Variants in NIF3L1 observed in about 807,000 individuals in gnomAD.
NIF3L1 encodes NGG1 interacting factor 3 like 1, also known as NIF3-like protein 1.
NIF3L1 carries 26 observed loss-of-function variants against 35.0 expected under a neutral mutation model. That is an observed-to-expected ratio of 0.74 (90% CI 0.54 to 1.03). The LOEUF (loss-of-function observed/expected upper bound fraction) is 1.03, where lower values mean the gene tolerates loss of function less well. Among genes scored for constraint, NIF3L1 ranks in the 50% least tolerant of loss-of-function variants. The pLI, the probability that NIF3L1 is intolerant of heterozygous loss-of-function variation, is 0.00. For synonymous variants in NIF3L1, 157 were observed against 178.9 expected (o/e 0.88, Z 0.98); for missense variants, 449 against 466.3 (o/e 0.96, Z 0.34).
chr2:200,893,092 G>A (rs1289456296), intron 2 of NIF3L1, among the ~76,000 whole-genome samples, 154 bp from the exon 3 acceptor site: 1 of 152,200 alleles, frequency 6.6e-6, no homozygotes, highest in African/African-American at 2.4e-5. Context: ...GGGGACTGGT[G>A]ATGTATATCT....
intron 6 of NIF3L1, 148 bp downstream of exon 6, chr2:200,899,616 C>A (rs2040379464): frequency 3.4e-6 from 2 of 590,478 alleles, no homozygotes; most frequent in South Asian, 4.5e-5. Context: ...TGGGGACTTA[C>A]TGCATTCTTT....
At chr2:200,902,287 G>A (rs894294632) in intron 6 of NIF3L1, among the ~76,000 whole-genome samples, 1 of 152,184 alleles carries the variant, frequency 6.6e-6, no homozygotes, top group Non-Finnish European at 1.5e-5. Context: ...AGAATATTAG[G>A]CTGGACATGG....
intron 4 of NIF3L1, among the ~76,000 whole-genome samples, chr2:200,896,596 T>G (rs1294170246): frequency 6.6e-6 from 1 of 152,152 alleles, no homozygotes; most frequent in Non-Finnish European, 1.5e-5. Flanking sequence ...ATTATTTTGT[T>G]TATTTGAGAC....
rs777968839 is a variant in NIF3L1 at position 200,892,075 on chromosome 2, G to A, written c.132G>A (p.Ser44=). 13 of 1,613,976 alleles carry A rather than the reference G, an allele frequency of 8.1e-6. No homozygotes were observed. The highest frequency in any genetic ancestry group is 4.5e-5 in the East Asian group (2 of 44,898). Residue 44 remains serine (S), a synonymous_variant, in exon 2 of 7, where the codon TCG becomes TCA. Coordinates refer to ENST00000409020, the MANE Select transcript of NIF3L1 (RefSeq NM_001369441.2). ...LSSLNDFASL[S]FAESWDNVGL... ...CCTTGAATGACTTTGCATCCCTCTC[G>A]TTTGCTGAGAGTTGGGACAATGTTG...
Position 200,892,397 on chromosome 2 carries a change from T to C in NIF3L1, c.436+18T>C. 1 of 1,539,870 alleles carries C rather than the reference T, an allele frequency of 6.5e-7. No homozygotes were observed. Reference sequence around the variant, plus strand: ...AGGGCTTGGTGAGAAGCCTCTTTCATATTTGATATTTTCCCTGCAAATACT... The same window carrying C: ...AGGGCTTGGTGAGAAGCCTCTTTCACATTTGATATTTTCCCTGCAAATACT... On this transcript the variant is annotated intron_variant, in intron 2 of 6. Transcript: ENST00000409020.
chr2:200,902,163 C>T (rs1303231700), intron 6 of NIF3L1, among the ~76,000 whole-genome samples: 3 of 152,164 alleles, frequency 2.0e-5, no homozygotes, highest in Admixed American at 1.3e-4. Context: ...GCCCTTCTGT[C>T]TCTAAATACA....
chr2:200,894,486 C>T (rs1383943761), intron 3 of NIF3L1, among the ~76,000 whole-genome samples: 1 of 151,732 alleles, frequency 6.6e-6, no homozygotes, highest in African/African-American at 2.4e-5. Context: ...CTGTAACCTC[C>T]GCCTCCCAGG....
chr2:200,897,257 C>T (rs79997115), intron 5 of NIF3L1, 43 bp downstream of exon 5: 15 of 1,590,200 alleles, frequency 9.4e-6, no homozygotes, highest in Non-Finnish European at 6.0e-6. Flanking sequence ...CTACTGTTAA[C>T]ATTGGACAAA....
intron 6 of NIF3L1, among the ~76,000 whole-genome samples, chr2:200,901,122 A>G (rs2040404708): frequency 6.6e-6 from 1 of 152,238 alleles, no homozygotes; most frequent in Admixed American, 6.5e-5. Flanking sequence ...ACAATTATCA[A>G]ACATGGGAAT....
At chr2:200,895,465 G>T (rs186054275) in intron 4 of NIF3L1, 75 bp downstream of exon 4, 4 of 1,462,516 alleles carry the variant, frequency 2.7e-6, no homozygotes, top group East Asian at 4.6e-5. Context: ...AGGTATAATT[G>T]ATATACTTAG....
At chr2:200,890,728 G>A (rs1004557613) in intron 1 of NIF3L1, 1 of 151,980 alleles carries the variant, frequency 6.6e-6, no homozygotes, top group Non-Finnish European at 1.5e-5. Flanking sequence ...AACCTTTTCA[G>A]TTCCTTGTTG....
chr2:200,899,368 T>A lies in NIF3L1; in HGVS notation c.866-17T>A. On this transcript the variant is annotated splice_polypyrimidine_tract_variant and intron_variant, in intron 5 of 6. Transcript: ENST00000409020. ...GGAATTGTAAAGTATTGGTCTCTTG[T>A]TTCCTCTGTTTTGAAGAGTCTCAAG... The A allele has an allele frequency of 6.2e-7, 1 of 1,601,996 alleles. No individual in the cohort carries two copies. The highest frequency in any genetic ancestry group is 8.6e-7 in the Non-Finnish European group (1 of 1,169,444).
rs1437756269 is a variant in NIF3L1, at chr2:200,892,398, A to G, written c.436+19A>G. ...GGGCTTGGTGAGAAGCCTCTTTCAT[A>G]TTTGATATTTTCCCTGCAAATACTT... On this transcript the variant is annotated intron_variant, in intron 2 of 6. Transcript: ENST00000409020. The G allele has an allele frequency of 1.9e-5, 30 of 1,539,522 alleles. No homozygotes were observed. The highest frequency in any genetic ancestry group is 2.4e-5 in the Non-Finnish European group (28 of 1,148,510).
intron 5 of NIF3L1, chr2:200,899,039 A>AT (rs2040365970): frequency 4.6e-6 from 1 of 217,798 alleles, no homozygotes; most frequent in Non-Finnish European, 9.3e-6. Context: ...TCAGCAGCAC[A>AT]TATACTAAAA....
chr2:200,899,499 A>T (rs1559351262), intron 6 of NIF3L1, 31 bp downstream of exon 6: 3 of 1,591,820 alleles, frequency 1.9e-6, no homozygotes, highest in Non-Finnish European at 2.6e-6. Context: ...CTCTTGGTTT[A>T]TTTTTTGCAA....
In NIF3L1 at chr2:200,892,204, C is replaced by A; in HGVS notation, c.261C>A (p.Asp87Glu). Residue 87 changes from aspartate to glutamate, a missense_variant, in exon 2 of 7, where the codon GAC (aspartate) becomes GAA (glutamate). By Grantham distance (45) the Asp-to-Glu change is conservative (BLOSUM62 2). Transcript: ENST00000409020. ...VMEEVLQKKA[D>E]LILSYHPPIF... ...AGGAGGTGCTGCAAAAGAAGGCAGA[C>A]CTCATTCTCTCCTACCATCCGCCTA... 2 of 1,614,208 alleles carry A rather than the reference C, an allele frequency of 1.2e-6. No homozygotes were observed. The highest frequency in any genetic ancestry group is 4.5e-5 in the East Asian group (2 of 44,892).
At chr2:200,896,056 C>A (rs1231915599) in intron 4 of NIF3L1, among the ~76,000 whole-genome samples, 1 of 151,714 alleles carries the variant, frequency 6.6e-6, no homozygotes, top group Admixed American at 6.6e-5. Context: ...CTCCTTGACT[C>A]CAGGCCCTGC....
chr2:200,896,384 G>A (rs149263303), intron 4 of NIF3L1, among the ~76,000 whole-genome samples: 72 of 151,962 alleles, frequency 4.7e-4, no homozygotes, highest in African/African-American at 1.6e-3. Context: ...CCATCTCATC[G>A]TACCTCTGTC....
chr2:200,893,435 G>C (rs1361513575), intron 3 of NIF3L1, 27 bp downstream of exon 3: 1 of 1,605,892 alleles, frequency 6.2e-7, no homozygotes, highest in South Asian at 1.1e-5. Context: ...TCTTTTTTTT[G>C]TGTGTATTTA....
Sources: allele counts gnomAD v4.1 joint callset (sites outside exome capture counted in the v4.1 genomes callset), GRCh38; gene constraint gnomAD v4.1.1; transcripts MANE v1.5; gene names NCBI Gene and HGNC (gene_info 2026-07-23, HGNC 2026-07-21).